TRAPPC2L: variants seen among roughly 807,000 people sequenced by gnomAD.
TRAPPC2L encodes the protein trafficking protein particle complex subunit 2-like protein.
A neutral mutation model predicts 13.2 loss-of-function variants in TRAPPC2L; 17 were observed. The observed-to-expected ratio is 1.29, with a 90% CI of 0.88 to 1.93. The LOEUF is 1.93. Among genes scored for constraint, TRAPPC2L ranks in the 30% most tolerant of loss-of-function variants. TRAPPC2L has a pLI of 0.00. For missense variants in TRAPPC2L, 359 were observed against 252.1 expected (o/e 1.42, Z -2.87); for synonymous variants, 150 against 98.1 (o/e 1.53, Z -3.12).
chr16:88,861,216 G>A (rs1015747247), exon 4 of TRAPPC2L: 7 of 522,894 alleles, frequency 1.3e-5, no homozygotes, highest in Non-Finnish European at 2.4e-5. Flanking sequence ...GATGGCGCAG[G>A]TAGCCTGTCC....
chr16:88,861,007 G>C, exon 4 of TRAPPC2L: 2 of 1,548,270 alleles, frequency 1.3e-6, no homozygotes, highest in Middle Eastern at 1.7e-4. Context: ...CACGACTGTG[G>C]TGGGGCCGTC....
At chr16:88,857,178 A>G in exon 1 of TRAPPC2L, 2 of 1,577,964 alleles carry the variant, frequency 1.3e-6, no homozygotes, top group Non-Finnish European at 8.6e-7. Context: ...GGTGATTGCC[A>G]AGGAGGTGCG....
At chr16:88,861,903 C>G (rs1968416620) in exon 4 of TRAPPC2L, 1 of 272,400 alleles carries the variant, frequency 3.7e-6, no homozygotes, top group Non-Finnish European at 7.4e-6. Flanking sequence ...TTCATCCCAT[C>G]TAGCAAGCAC....
At chr16:88,858,856 G>C (rs1045255657) in intron 2 of TRAPPC2L, 65 bp downstream of exon 2, 1 of 1,524,868 alleles carries the variant, frequency 6.6e-7, no homozygotes, top group Non-Finnish European at 8.9e-7. Context: ...TTTAGGATCA[G>C]ATAACTTGAA....
At chr16:88,856,790 G>C, upstream of TRAPPC2L, 1 of 1,543,006 alleles carries the variant, frequency 6.5e-7, no homozygotes, top group Non-Finnish European at 8.7e-7. Flanking sequence ...ATGTTGGGGG[G>C]CTGCGGGGCG....
chr16:88,856,761 G>A (rs1245544933), upstream of TRAPPC2L: 2 of 1,528,054 alleles, frequency 1.3e-6, no homozygotes, highest in Non-Finnish European at 8.7e-7. Flanking sequence ...CACTCACGTC[G>A]TCCATGAGCA....
At chr16:88,856,493 G>T (rs980221559), upstream of TRAPPC2L, 1 of 699,170 alleles carries the variant, frequency 1.4e-6, no homozygotes, top group African/African-American at 1.8e-5. Flanking sequence ...CACAGTGGCA[G>T]CGCGTGTGGT....
upstream of TRAPPC2L, chr16:88,857,123 C>T (rs780446018): frequency 2.8e-5 from 44 of 1,545,340 alleles, no homozygotes; most frequent in South Asian, 2.9e-4. Context: ...GGTCACGTGA[C>T]GCGGTGCCTG....
intron 1 of TRAPPC2L, 36 bp downstream of exon 1, chr16:88,857,219 C>G (rs1388790326): frequency 1.3e-6 from 2 of 1,482,610 alleles, no homozygotes; most frequent in South Asian, 2.5e-5. Flanking sequence ...CGGGCTCGCA[C>G]CATCCTCGGC....
chr16:88,860,408 T>G (rs1043420794), exon 4 of TRAPPC2L: 4 of 608,272 alleles, frequency 6.6e-6, no homozygotes, highest in Non-Finnish European at 1.2e-5. Context: ...GATTTAACTT[T>G]TGAACATCAT....
chr16:88,856,527 C>T (rs1043501753), upstream of TRAPPC2L: 35 of 696,202 alleles, frequency 5.0e-5, no homozygotes, highest in African/African-American at 2.6e-4. Flanking sequence ...CGAGACCCCA[C>T]GCCTGGACCC....
At chr16:88,860,317 C>T (rs1291901683) in exon 4 of TRAPPC2L, 4 of 690,456 alleles carry the variant, frequency 5.8e-6, no homozygotes, top group Non-Finnish European at 1.1e-5. Context: ...CCTTTTGTAG[C>T]TACCTGATCT....
upstream of TRAPPC2L, chr16:88,856,358 G>A (rs1165456251): frequency 1.4e-6 from 1 of 701,930 alleles, no homozygotes; most frequent in Non-Finnish European, 2.6e-6. Flanking sequence ...CTCCCTTTGG[G>A]GAGGCCACGC....
chr16:88,859,276 C>G (rs573569820), intron 2 of TRAPPC2L: 2 of 584,658 alleles, frequency 3.4e-6, no homozygotes, highest in South Asian at 1.5e-5. Flanking sequence ...CTAGTAGCCA[C>G]TATTTTACAA....
At chr16:88,861,562 C>A in exon 4 of TRAPPC2L, 2 of 464,498 alleles carry the variant, frequency 4.3e-6, no homozygotes, top group South Asian at 3.1e-5. Context: ...TGGTCCTAAA[C>A]CTTGGAGCGC....
chr16:88,857,163 A>C lies in TRAPPC2L; in HGVS notation c.13A>C (p.Ile5Leu), dbSNP rs779271992. The C allele has an allele frequency of 4.4e-6, 7 of 1,582,752 alleles. No individual in the cohort carries two copies. The highest frequency in any genetic ancestry group is 5.1e-6 in the Non-Finnish European group (6 of 1,169,990). Residue 5 changes from isoleucine (I) to leucine (L), a missense_variant, in exon 1 of 4, where the codon ATC becomes CTC. Coordinates refer to ENST00000565504, the Ensembl canonical transcript of TRAPPC2L. Reference sequence around the variant, plus strand: ...CGAGCCTCCCAAGATGGCGGTGTGCATCGCGGTGATTGCCAAGGAGGTGCG... The same window carrying C: ...CGAGCCTCCCAAGATGGCGGTGTGCCTCGCGGTGATTGCCAAGGAGGTGCG...
chr16:88,861,728 G>T (rs560155961), exon 4 of TRAPPC2L: 1 of 460,374 alleles, frequency 2.2e-6, no homozygotes, highest in African/African-American at 2.0e-5. Context: ...GGCTCAGCCC[G>T]CTGAGGGGAC....
At chr16:88,856,796 G>T (rs1260680833), upstream of TRAPPC2L, 1 of 1,541,730 alleles carries the variant, frequency 6.5e-7, no homozygotes, top group East Asian at 2.5e-5. Flanking sequence ...GGGGGCTGCG[G>T]GGCGCCCGAG....
At position 88,861,832 on chromosome 16, in the gene TRAPPC2L, A is replaced by AG. The variant is rs147303347; in HGVS notation, c.*1515dup. Reference sequence around the variant, plus strand: ...AGCCCTTGCAGCAGGAAAGGCTGTAAGGGGGGGTCAGCCTAGGGCAGGACC... The same window carrying AG: ...AGCCCTTGCAGCAGGAAAGGCTGTAAGGGGGGGGTCAGCCTAGGGCAGGACC... On this transcript the variant is annotated 3_prime_UTR_variant, in exon 4 of 4. Coordinates refer to ENST00000565504, the Ensembl canonical transcript of TRAPPC2L. 140 of 356,374 alleles carry AG rather than the reference A, an allele frequency of 3.9e-4. 1 individual carries two copies. Among genetic ancestry groups the AG allele is most frequent in the African/African-American group, 2.2e-3 (105 of 47,006 alleles). 22.1% of individuals were successfully genotyped at this position (356,374 alleles called of 1,614,324 possible). A position where few individuals can be genotyped will look rare whatever the true frequency, so the allele number is the denominator to read the frequency against.
Sources: gnomAD v4.1 joint callset for allele counts on GRCh38, gnomAD v4.1.1 for gene constraint, MANE v1.5 for transcripts, NCBI Gene and HGNC (gene_info 2026-07-23, HGNC 2026-07-21) for gene names.